ZNF804A: variants seen among roughly 807,000 people sequenced by gnomAD.
ZNF804A encodes the protein zinc finger protein 804A.
A neutral mutation model predicts 16.5 loss-of-function variants in ZNF804A; 2 were observed. The ratio of observed to expected loss-of-function variants is 0.12; its 90% CI spans 0.05 to 0.38. The LOEUF is 0.38. Among genes scored for constraint, ZNF804A ranks in the 10% least tolerant of loss-of-function variants. The pLI is 0.99. For missense variants in ZNF804A, 1,473 were observed against 1,390.7 expected, an observed-to-expected ratio of 1.06 and a Z score of -0.94; for synonymous variants, 534 against 489.6, an observed-to-expected ratio of 1.09 and a Z score of -1.20.
intron 1 of ZNF804A, among the ~76,000 whole-genome samples, chr2:184,666,979 A>C (rs1168533382): frequency 6.6e-6 from 1 of 152,032 alleles, no homozygotes; most frequent in Non-Finnish European, 1.5e-5. Flanking sequence ...TTTGGTTATA[A>C]TGAAGATGCA....
chr2:184,819,517 A>G (rs182017493), intron 1 of ZNF804A, among the ~76,000 whole-genome samples: 1 of 152,164 alleles, frequency 6.6e-6, no homozygotes, highest in Admixed American at 6.6e-5. Flanking sequence ...TAACTAGAGA[A>G]CCAAGAGAAA....
At chr2:184,827,463 T>C (rs1695184132) in intron 1 of ZNF804A, among the ~76,000 whole-genome samples, 1 of 146,580 alleles carries the variant, frequency 6.8e-6, no homozygotes, top group African/African-American at 2.5e-5. Context: ...AATATATTTA[T>C]ATATACTATA....
intron 1 of ZNF804A, among the ~76,000 whole-genome samples, chr2:184,686,423 C>A (rs1274630023): frequency 6.6e-6 from 1 of 152,238 alleles, no homozygotes; most frequent in African/African-American, 2.4e-5. Context: ...ATGTACCACA[C>A]TTTCTTTATC....
At chr2:184,693,632 T>C (rs1324318740) in intron 1 of ZNF804A, among the ~76,000 whole-genome samples, 1 of 152,224 alleles carries the variant, frequency 6.6e-6, no homozygotes, top group Non-Finnish European at 1.5e-5. Context: ...GCCTCAGATA[T>C]GACTTATATT....
At chr2:184,873,139 T>C (rs1695999806) in intron 2 of ZNF804A, among the ~76,000 whole-genome samples, 1 of 152,180 alleles carries the variant, frequency 6.6e-6, no homozygotes, top group African/African-American at 2.4e-5. Flanking sequence ...AAGTCAAAAC[T>C]TTATATATTT....
In ZNF804A at chr2:184,904,205, A is replaced by G. The variant is rs139627815; in HGVS notation, c.256-29398A>G. Reference sequence around the variant, plus strand: ...ATAATGAAAACTACAAAATACTGATAAAATAAATCAAACAAAAATAAGTGA... The same window carrying G: ...ATAATGAAAACTACAAAATACTGATGAAATAAATCAAACAAAAATAAGTGA... On this transcript the variant is annotated intron_variant, in intron 2 of 3. Coordinates refer to ENST00000302277, the MANE Select transcript of ZNF804A (RefSeq NM_194250.2). 2.7e-3 allele frequency among the ~76,000 whole-genome samples: 416 copies of G among 152,246 alleles called. 2 individuals carry two copies. The highest frequency in any genetic ancestry group is 9.1e-3 in the African/African-American group (377 of 41,572).
intron 2 of ZNF804A, among the ~76,000 whole-genome samples, chr2:184,877,198 T>C (rs987326233): frequency 3.9e-5 from 6 of 152,160 alleles, no homozygotes; most frequent in Non-Finnish European, 8.8e-5. Context: ...ACTTTTTAAA[T>C]GACCATCCTT....
intron 1 of ZNF804A, among the ~76,000 whole-genome samples, chr2:184,833,245 G>A (rs773951115): frequency 9.2e-5 from 14 of 151,868 alleles, no homozygotes; most frequent in Non-Finnish European, 1.8e-4. Context: ...TAGTCATTTA[G>A]GCTTCCCATT....
intron 1 of ZNF804A, among the ~76,000 whole-genome samples, chr2:184,793,783 C>T (rs1015105375): frequency 6.6e-6 from 1 of 152,164 alleles, no homozygotes; most frequent in Non-Finnish European, 1.5e-5. Flanking sequence ...TTTTCATCCT[C>T]ATAGCTGAGC....
At chr2:184,711,911 G>A (rs1470416207) in intron 1 of ZNF804A, among the ~76,000 whole-genome samples, 1 of 151,650 alleles carries the variant, frequency 6.6e-6, no homozygotes, top group Non-Finnish European at 1.5e-5. Flanking sequence ...ATTCGGAATT[G>A]TAATGCGTCC....
intron 2 of ZNF804A, among the ~76,000 whole-genome samples, chr2:184,913,618 T>C (rs896109664): frequency 1.3e-5 from 2 of 152,186 alleles, no homozygotes; most frequent in African/African-American, 4.8e-5. Flanking sequence ...ATGCTTGTTA[T>C]CTTTTCCTCG....
intron 1 of ZNF804A, among the ~76,000 whole-genome samples, chr2:184,766,721 A>G (rs377200445): frequency 1.3e-5 from 2 of 151,954 alleles, no homozygotes; most frequent in African/African-American, 2.4e-5. Flanking sequence ...TCTCAAAGAG[A>G]TATTTATACA....
intron 1 of ZNF804A, among the ~76,000 whole-genome samples, chr2:184,693,501 C>T (rs1323705163): frequency 2.0e-5 from 3 of 152,098 alleles, no homozygotes; most frequent in Admixed American, 1.3e-4. Flanking sequence ...CTCCATAGCC[C>T]CATTTCAAAA....
intron 1 of ZNF804A, among the ~76,000 whole-genome samples, chr2:184,740,209 A>G (rs115370404): frequency 0.012 from 1,857 of 152,322 alleles, 14 homozygotes; most frequent in Non-Finnish European, 0.019. Context: ...AGACTCCTCA[A>G]GTCACCATCT....
chr2:184,792,587 C>A (rs1264571457), intron 1 of ZNF804A, among the ~76,000 whole-genome samples: 1 of 152,166 alleles, frequency 6.6e-6, no homozygotes, highest in East Asian at 1.9e-4. Flanking sequence ...CTGGTATATA[C>A]TTTGCAAATG....
At chr2:184,675,286 A>G (rs904780206) in intron 1 of ZNF804A, among the ~76,000 whole-genome samples, 17 of 151,808 alleles carry the variant, frequency 1.1e-4, no homozygotes, top group African/African-American at 3.1e-4. Flanking sequence ...TAATCCTATT[A>G]TGACTATCTT....
intron 1 of ZNF804A, among the ~76,000 whole-genome samples, chr2:184,859,660 G>A (rs879743511): frequency 2.0e-5 from 3 of 152,048 alleles, no homozygotes; most frequent in Non-Finnish European, 4.4e-5. Context: ...CTATATCCTT[G>A]GTTTTTCATG....
intron 1 of ZNF804A, among the ~76,000 whole-genome samples, chr2:184,780,070 G>A (rs1298536336): frequency 6.6e-6 from 1 of 151,750 alleles, no homozygotes; most frequent in South Asian, 2.1e-4. Context: ...TGTATATACT[G>A]ACTGTATGTA....
At chr2:184,777,307 C>T (rs1409704426) in intron 1 of ZNF804A, among the ~76,000 whole-genome samples, 2 of 151,684 alleles carry the variant, frequency 1.3e-5, no homozygotes, top group African/African-American at 4.8e-5. Context: ...ATGATGCATA[C>T]TTACCCTTCA....
Sources: gnomAD v4.1 joint callset for allele counts (sites outside exome capture counted in the v4.1 genomes callset) on GRCh38, gnomAD v4.1.1 for gene constraint, MANE v1.5 for transcripts, NCBI Gene and HGNC (gene_info 2026-07-23, HGNC 2026-07-21) for gene names.